Variants in GALNT3 observed in about 807,000 individuals in gnomAD.
GALNT3 encodes the protein polypeptide N-acetylgalactosaminyltransferase 3, also known as GalNAc transferase 3.
GALNT3 carries 51 observed loss-of-function variants against 69.8 expected under a neutral mutation model. The ratio of observed to expected loss-of-function variants is 0.73; its 90% CI spans 0.58 to 0.92. GALNT3 has a LOEUF of 0.92. Ranked by LOEUF, GALNT3 falls within the 40% of genes least tolerant of loss-of-function variation. GALNT3 has a pLI of 0.00. For missense variants in GALNT3, 711 were observed against 760.0 expected (o/e 0.94, Z 0.76); for synonymous variants, 265 against 248.5 (o/e 1.07, Z -0.63).
chr2:165,754,250 C>T lies in GALNT3; in HGVS notation c.1626+377G>A, dbSNP rs142241111. 4.6e-3 allele frequency among the ~76,000 whole-genome samples: 690 copies of T among 151,568 alleles called. 2 individuals are homozygous for T. Among genetic ancestry groups the T allele is most frequent in the South Asian group, 0.023 (111 of 4,790 alleles). ...GAACACAGGCATGCACCACCACGCC[C>T]GACAAATTTTTGTATTTTTAGTAGA... is the stretch of plus-strand genomic sequence containing the variant. On this transcript the variant is annotated intron_variant, in intron 9 of 10. Coordinates refer to ENST00000392701, the MANE Select transcript of GALNT3 (RefSeq NM_004482.4).
intron 2 of GALNT3, among the ~76,000 whole-genome samples, chr2:165,767,995 T>A (rs528585504): frequency 1.4e-5 from 2 of 146,822 alleles, no homozygotes; most frequent in South Asian, 4.4e-4. Flanking sequence ...TGCCTCAGCC[T>A]CCCAAGTAGC....
chr2:165,750,690 G>A (rs930610518), intron 9 of GALNT3, among the ~76,000 whole-genome samples: 1 of 152,142 alleles, frequency 6.6e-6, no homozygotes, highest in African/African-American at 2.4e-5. Flanking sequence ...TTGCTTAAGT[G>A]AATCACTACT....
At chr2:165,771,964 C>A (rs1688760778) in intron 1 of GALNT3, among the ~76,000 whole-genome samples, 1 of 152,102 alleles carries the variant, frequency 6.6e-6, no homozygotes, top group African/African-American at 2.4e-5. Context: ...ATATTCTTTT[C>A]AGTATGGAGT....
chr2:165,786,070 AC>A (rs1683213431), intron 1 of GALNT3, among the ~76,000 whole-genome samples: 4 of 84,854 alleles, frequency 4.7e-5, no homozygotes, highest in Non-Finnish European at 1.4e-4. Context: ...TAAAATGCAA[AC>A]AAACAATGTG....
chr2:165,761,750 T>C (rs1360204619), intron 4 of GALNT3, 155 bp downstream of exon 4: 1 of 807,378 alleles, frequency 1.2e-6, no homozygotes, highest in Non-Finnish European at 2.2e-6. Context: ...ACAGAGCTGT[T>C]ACCTGCTTGG....
chr2:165,755,168 A>G, intron 7 of GALNT3, 105 bp from the exon 8 acceptor site: 3 of 1,128,506 alleles, frequency 2.7e-6, no homozygotes, highest in Non-Finnish European at 3.9e-6. Context: ...TTAAAAATCC[A>G]TGCTAAAAAT....
At chr2:165,755,796 A>C (rs954034388) in intron 7 of GALNT3, among the ~76,000 whole-genome samples, 2 of 152,206 alleles carry the variant, frequency 1.3e-5, no homozygotes, top group African/African-American at 4.8e-5. Flanking sequence ...AGTTCAACTA[A>C]AGAAAATATT....
intron 9 of GALNT3, among the ~76,000 whole-genome samples, chr2:165,751,505 C>A (rs923073853): frequency 4.6e-5 from 7 of 152,042 alleles, no homozygotes; most frequent in Admixed American, 1.3e-4. Flanking sequence ...AAAATGGTAA[C>A]AAAGGCTGTC....
rs530893532 is a variant in GALNT3 at position 165,754,369 on chromosome 2, C to T, written c.1626+258G>A. On this transcript the variant is annotated intron_variant, in intron 9 of 10. Transcript: ENST00000392701. ...CCTCCCAAAGTGCTGGGATTACAGGCGTGAGCCACTCAGCTCGGCCTCCTT... is the reference window on the plus strand; with the variant it reads ...CCTCCCAAAGTGCTGGGATTACAGGTGTGAGCCACTCAGCTCGGCCTCCTT... Among the ~76,000 whole-genome samples, 3 of 136,886 alleles carry T rather than the reference C, an allele frequency of 2.2e-5. No individual in the cohort carries two copies. The South Asian group carries it at 7.3e-4, about 33-fold the overall frequency. The allele number at this position is 136,886 out of a possible 152,430, so 89.8% of individuals were successfully genotyped here. A position where few individuals can be genotyped will look rare whatever the true frequency, so the allele number is the denominator to read the frequency against.
In GALNT3 at chr2:165,753,876, A is replaced by G. The variant is rs568467962; in HGVS notation, c.1626+751T>C. On this transcript the variant is annotated intron_variant, in intron 9 of 10. Coordinates refer to ENST00000392701, the MANE Select transcript of GALNT3 (RefSeq NM_004482.4). The stretch of plus-strand genomic sequence containing the variant: ...TTGAAATAATATTGTGGCCCACAAA[A>G]TTAATTTATAATGCTCTATTTTGTT... Among the ~76,000 whole-genome samples the G allele has an allele frequency of 9.0e-4, 137 of 152,326 alleles. 1 individual carries two copies. Among genetic ancestry groups the G allele is most frequent in the African/African-American group, 3.1e-3 (128 of 41,582 alleles).
chr2:165,780,859 T>C (rs963211870), intron 1 of GALNT3, among the ~76,000 whole-genome samples: 1 of 152,126 alleles, frequency 6.6e-6, no homozygotes, highest in Non-Finnish European at 1.5e-5. Context: ...CTCAATGATA[T>C]ATTGCTGTTG....
chr2:165,751,779 T>C (rs1413312355), intron 9 of GALNT3, among the ~76,000 whole-genome samples: 2 of 152,148 alleles, frequency 1.3e-5, no homozygotes, highest in East Asian at 1.9e-4. Context: ...CATGAAGTTT[T>C]ATGCTATAAA....
chr2:165,755,673 C>T (rs1004612190), intron 7 of GALNT3, among the ~76,000 whole-genome samples: 3 of 152,014 alleles, frequency 2.0e-5, no homozygotes, highest in African/African-American at 7.2e-5. Context: ...AAGAAAATAA[C>T]TTTTTTAAAA....
At chr2:165,792,308 G>T (rs1007302133) in intron 1 of GALNT3, among the ~76,000 whole-genome samples, 21 of 152,308 alleles carry the variant, frequency 1.4e-4, no homozygotes, top group African/African-American at 5.1e-4. Context: ...CTCACTAGAG[G>T]TTAAGAGGAA....
chr2:165,749,720 T>C, intron 10 of GALNT3, 22 bp downstream of exon 10: 1 of 1,607,286 alleles, frequency 6.2e-7, no homozygotes, highest in Non-Finnish European at 8.5e-7. Flanking sequence ...GTTAAATAGA[T>C]GAATTAATTG....
At chr2:165,792,483 T>G (rs1683374654) in intron 1 of GALNT3, among the ~76,000 whole-genome samples, 1 of 152,166 alleles carries the variant, frequency 6.6e-6, no homozygotes, top group African/African-American at 2.4e-5. Flanking sequence ...TGTAGAAAAG[T>G]GGTGATTGAA....
chr2:165,767,136 C>G (rs1688657662), intron 2 of GALNT3, among the ~76,000 whole-genome samples: 1 of 152,002 alleles, frequency 6.6e-6, no homozygotes, highest in African/African-American at 2.4e-5. Context: ...AATATACACA[C>G]TTGAACCACA....
At chr2:165,763,146 T>C (rs1688582382) in intron 3 of GALNT3, among the ~76,000 whole-genome samples, 1 of 152,108 alleles carries the variant, frequency 6.6e-6, no homozygotes, top group Non-Finnish European at 1.5e-5. Flanking sequence ...CTCAATTAAA[T>C]TTTTGATTTC....
chr2:165,780,189 C>T (rs142897730), intron 1 of GALNT3, among the ~76,000 whole-genome samples: 2 of 152,226 alleles, frequency 1.3e-5, no homozygotes, highest in Non-Finnish European at 1.5e-5. Flanking sequence ...ACTGAGACAG[C>T]TGGAGAGATA....
Sources: gnomAD v4.1 joint callset for allele counts (sites outside exome capture counted in the v4.1 genomes callset) on GRCh38, gnomAD v4.1.1 for gene constraint, MANE v1.5 for transcripts, NCBI Gene and HGNC (gene_info 2026-07-23, HGNC 2026-07-21) for gene names.